Variants in RORB observed in about 807,000 individuals in gnomAD.
RORB encodes the protein RAR related orphan receptor B.
Under a neutral mutation model 59.1 loss-of-function variants are expected in RORB, and 6 were observed. That is an observed-to-expected ratio of 0.10 (90% confidence interval 0.06 to 0.20). The LOEUF is 0.20. RORB is among the 10% of genes least tolerant of loss of function. The pLI, the probability that RORB is intolerant of heterozygous loss-of-function variation, is 1.00. For missense variants in RORB, 320 were observed against 560.5 expected (o/e 0.57, Z 4.33); for synonymous variants, 215 against 204.5 (o/e 1.05, Z -0.44).
intron 4 of RORB, among the ~76,000 whole-genome samples, chr9:74,646,324 T>C (rs1201497988): frequency 6.6e-6 from 1 of 152,088 alleles, no homozygotes; most frequent in Non-Finnish European, 1.5e-5. Flanking sequence ...GAGTTTGAAA[T>C]TTTTGATAAA....
chr9:74,594,014 C>T (rs941887369), intron 1 of RORB, among the ~76,000 whole-genome samples: 2 of 152,094 alleles, frequency 1.3e-5, no homozygotes, highest in Non-Finnish European at 2.9e-5. Flanking sequence ...AGAAAGCGCT[C>T]CATGCAAAGA....
chr9:74,621,520 G>A (rs566274128), intron 1 of RORB, among the ~76,000 whole-genome samples: 1 of 152,132 alleles, frequency 6.6e-6, no homozygotes, highest in South Asian at 2.1e-4. Flanking sequence ...TTCCAGTTTT[G>A]GGTAATTATG....
intron 1 of RORB, among the ~76,000 whole-genome samples, chr9:74,550,434 C>T (rs910790059): frequency 7.9e-5 from 12 of 152,194 alleles, no homozygotes; most frequent in Admixed American, 7.2e-4. Context: ...CAGGGTGGGG[C>T]TTGGGTAACT....
intron 1 of RORB, among the ~76,000 whole-genome samples, chr9:74,601,366 G>T (rs1309208060): frequency 7.8e-6 from 1 of 128,734 alleles, no homozygotes. Flanking sequence ...TAGAGAATAT[G>T]TGAATTATAT....
At chr9:74,647,625 T>C (rs922942563) in intron 4 of RORB, among the ~76,000 whole-genome samples, 14 of 152,202 alleles carry the variant, frequency 9.2e-5, no homozygotes, top group East Asian at 1.9e-4. Context: ...GTTCTATTTA[T>C]AGAACCTGGA....
chr9:74,518,033 T>G (rs1464833102), intron 1 of RORB, among the ~76,000 whole-genome samples: 3 of 151,964 alleles, frequency 2.0e-5, no homozygotes, highest in Non-Finnish European at 2.9e-5. Context: ...GAACTGAGAT[T>G]TTAATTCAGA....
intron 1 of RORB, among the ~76,000 whole-genome samples, chr9:74,573,672 C>T (rs578152368): frequency 1.8e-4 from 28 of 152,188 alleles, no homozygotes; most frequent in Middle Eastern, 3.4e-3. Context: ...TTTCCAACTC[C>T]TTTTGGTTGC....
chr9:74,576,629 T>C (rs1455833094), intron 1 of RORB, among the ~76,000 whole-genome samples: 1 of 152,116 alleles, frequency 6.6e-6, no homozygotes, highest in Non-Finnish European at 1.5e-5. Flanking sequence ...CATCAATCTG[T>C]ATAGCTTCAT....
At chr9:74,604,797 C>A (rs1315099873) in intron 1 of RORB, among the ~76,000 whole-genome samples, 1 of 152,114 alleles carries the variant, frequency 6.6e-6, no homozygotes, top group East Asian at 1.9e-4. Context: ...TGTTGACCCC[C>A]AAAGCAGCTA....
chr9:74,624,961 A>T (rs1823485522), intron 1 of RORB, among the ~76,000 whole-genome samples: 1 of 152,186 alleles, frequency 6.6e-6, no homozygotes, highest in South Asian at 2.1e-4. Flanking sequence ...AATGTCCTAG[A>T]ATGTAGTCTG....
intron 3 of RORB, 47 bp downstream of exon 3, chr9:74,634,819 T>G (rs1488038848): frequency 9.0e-6 from 14 of 1,553,514 alleles, no homozygotes; most frequent in Non-Finnish European, 1.2e-5. Context: ...TTCAAATGGA[T>G]GCTTTGCTGG....
At chr9:74,683,480 G>A (rs886106381) in intron 9 of RORB, among the ~76,000 whole-genome samples, 4 of 152,042 alleles carry the variant, frequency 2.6e-5, no homozygotes, top group South Asian at 2.1e-4. Flanking sequence ...AGAACATAAC[G>A]TGAACTATGA....
At chr9:74,507,811 A>G (rs1825889267) in intron 1 of RORB, among the ~76,000 whole-genome samples, 1 of 152,050 alleles carries the variant, frequency 6.6e-6, no homozygotes, top group African/African-American at 2.4e-5. Context: ...ATGTAAAGGA[A>G]TTAAAGACTT....
chr9:74,560,664 T>A (rs73545356), intron 1 of RORB, among the ~76,000 whole-genome samples: 7 of 151,666 alleles, frequency 4.6e-5, no homozygotes, highest in African/African-American at 1.4e-4. Flanking sequence ...TCTGATAAAT[T>A]TGTCTAATAA....
intron 1 of RORB, among the ~76,000 whole-genome samples, chr9:74,600,968 AAT>A (rs1823045292): frequency 6.6e-6 from 1 of 152,154 alleles, no homozygotes; most frequent in African/African-American, 2.4e-5. Flanking sequence ...TCTGAGGTAA[AAT>A]ATGTTATTGT....
chr9:74,606,504 G>C (rs996914213), intron 1 of RORB, among the ~76,000 whole-genome samples: 1 of 152,184 alleles, frequency 6.6e-6, no homozygotes, highest in Non-Finnish European at 1.5e-5. Context: ...GAAAAGAACC[G>C]TGCACAGTTC....
At chr9:74,584,532 T>C (rs1410591575) in intron 1 of RORB, among the ~76,000 whole-genome samples, 2 of 152,204 alleles carry the variant, frequency 1.3e-5, no homozygotes, top group Non-Finnish European at 2.9e-5. Flanking sequence ...GGAAGTGTGG[T>C]ATGCTTGGTT....
chr9:74,589,149 C>T (rs7024018), intron 1 of RORB, among the ~76,000 whole-genome samples: 96,195 of 152,018 alleles, frequency 0.63, 30,678 homozygotes, highest in East Asian at 0.85. Context: ...CAGAATATTC[C>T]TTGGAATCAT....
In RORB at chr9:74,572,654, G is replaced by A. The variant is rs890150408; in HGVS notation, c.8-57628G>A. Among the ~76,000 whole-genome samples the A allele has an allele frequency of 7.9e-5, 12 of 152,016 alleles. No homozygotes were observed. In the South Asian group the frequency reaches 1.0e-3, roughly 13 times the overall value. The stretch of plus-strand genomic sequence containing the variant: ...CATTGCCCAGAGCTAAATTAAAACC[G>A]GTAAGGAGAACCCCTTGGAATATTT... On this transcript the variant is annotated intron_variant, in intron 1 of 9. Coordinates refer to ENST00000376896, the MANE Select transcript of RORB (RefSeq NM_006914.4).
Sources: gnomAD v4.1 joint callset for allele counts (sites outside exome capture counted in the v4.1 genomes callset) on GRCh38, gnomAD v4.1.1 for gene constraint, MANE v1.5 for transcripts, NCBI Gene and HGNC (gene_info 2026-07-23, HGNC 2026-07-21) for gene names.